Variants in CCDC88A observed in about 807,000 individuals in gnomAD.
CCDC88A encodes girdin.
CCDC88A carries 54 observed loss-of-function variants against 234.3 expected under a neutral mutation model. The observed-to-expected ratio is 0.23, with a 90% confidence interval of 0.19 to 0.29. The LOEUF (loss-of-function observed/expected upper bound fraction) is 0.29. Among genes scored for constraint, CCDC88A ranks in the 10% least tolerant of loss-of-function variants. CCDC88A has a pLI of 1.00. For synonymous variants in CCDC88A, 753 were observed against 737.8 expected, an observed-to-expected ratio of 1.02 and a Z score of -0.33; for missense variants, 1,832 against 2,123.4, an observed-to-expected ratio of 0.86 and a Z score of 2.70.
intron 25 of CCDC88A, among the ~76,000 whole-genome samples, chr2:55,306,664 C>T (rs1417748936): frequency 6.6e-6 from 1 of 152,128 alleles, no homozygotes; most frequent in Non-Finnish European, 1.5e-5. Context: ...TGGCTTACTG[C>T]TATCTTCACC....
At chr2:55,374,546 A>G (rs1381092871) in intron 4 of CCDC88A, among the ~76,000 whole-genome samples, 1 of 152,224 alleles carries the variant, frequency 6.6e-6, no homozygotes, top group African/African-American at 2.4e-5. Context: ...ATACTTCTCT[A>G]TAATGAGACA....
At position 55,336,955 on chromosome 2, in the gene CCDC88A, G is replaced by C. The variant is rs995531813; in HGVS notation, c.1519-137C>G. On this transcript the variant is annotated intron_variant, in intron 13 of 32. Transcript: ENST00000436346. ...TGCTAAAATTTAAGAAATTAGTATA[G>C]AAATTCAAGTAGCATTCCATGCTAA... 20 of 537,780 alleles carry C rather than the reference G, an allele frequency of 3.7e-5. No individual in the cohort carries two copies. The African/African-American group carries it at 4.0e-4, about 11-fold the overall frequency. 33.3% of individuals were successfully genotyped at this position (537,780 alleles called of 1,614,324 possible). A position where few individuals can be genotyped will look rare whatever the true frequency, so the allele number is the denominator to read the frequency against.
At chr2:55,366,589 G>A (rs924578244) in intron 5 of CCDC88A, among the ~76,000 whole-genome samples, 3 of 150,230 alleles carry the variant, frequency 2.0e-5, no homozygotes, top group Non-Finnish European at 4.4e-5. Flanking sequence ...GATATGATGT[G>A]GAAACTTGGA....
At chr2:55,365,954 T>A (rs1384771210) in intron 5 of CCDC88A, among the ~76,000 whole-genome samples, 6 of 152,192 alleles carry the variant, frequency 3.9e-5, no homozygotes, top group Admixed American at 3.9e-4. Flanking sequence ...TAATTGTAAT[T>A]AATTTTAATT....
At chr2:55,360,713 T>G (rs1671177127) in intron 7 of CCDC88A, among the ~76,000 whole-genome samples, 1 of 152,236 alleles carries the variant, frequency 6.6e-6, no homozygotes. Flanking sequence ...ATTAATCAAT[T>G]CACTTAAATG....
rs764546295 is a variant in CCDC88A at position 55,339,459 on chromosome 2, T to G, written c.1518+5A>C. ...CATTAAAATAAACACTACATTTTAA[T>G]TTACCTTTTTACTGAGCCTTTGATT... On this transcript the variant is annotated splice_donor_5th_base_variant and intron_variant, in intron 13 of 32. Coordinates refer to ENST00000436346, the MANE Select transcript of CCDC88A (RefSeq NM_001365480.1). The G allele has an allele frequency of 7.2e-6, 11 of 1,521,174 alleles. No individual in the cohort carries two copies. The South Asian group carries it at 7.3e-5, about 10-fold the overall frequency. 94.2% of individuals were successfully genotyped at this position (1,521,174 alleles called of 1,614,324 possible). A position where few individuals can be genotyped will look rare whatever the true frequency, so the allele number is the denominator to read the frequency against.
At chr2:55,307,072 G>A (rs1681677439) in intron 25 of CCDC88A, among the ~76,000 whole-genome samples, 1 of 152,170 alleles carries the variant, frequency 6.6e-6, no homozygotes, top group African/African-American at 2.4e-5. Flanking sequence ...GTGTGTGTGT[G>A]TGTTCAATTA....
Position 55,336,835 on chromosome 2 carries a change from C to A in CCDC88A, c.1519-17G>T. The stretch of plus-strand genomic sequence containing the variant: ...AATCTCAACCTAGAGAAAATTAAAT[C>A]ACAAAACAATACGTTAAATATTCTG... On this transcript the variant is annotated splice_polypyrimidine_tract_variant and intron_variant, in intron 13 of 32. Coordinates refer to ENST00000436346, the MANE Select transcript of CCDC88A (RefSeq NM_001365480.1). 1.3e-6 allele frequency: 2 copies of A among 1,481,562 alleles called. No individual in the cohort carries two copies. Among genetic ancestry groups the A allele is most frequent in the South Asian group, 1.2e-5 (1 of 82,074 alleles). The allele number at this position is 1,481,562 out of a possible 1,614,324, so 91.8% of individuals were successfully genotyped here.
At position 55,317,134 on chromosome 2, in the gene CCDC88A, C is replaced by CATAT. The variant is rs897466844; in HGVS notation, c.3746+68_3746+71dup. On this transcript the variant is annotated intron_variant, in intron 21 of 32. Transcript: ENST00000436346. This position sits in a 1 kb window ranked among gnomAD's most constrained non-coding sequence, Gnocchi z 4.2. ...GAAATAATACATAATTTTGAAAAAA[C>CATAT]ATATATATACACATATATATGTATA... 6 of 578,070 alleles carry CATAT rather than the reference C, an allele frequency of 1.0e-5. No homozygotes were observed. The highest frequency in any genetic ancestry group is 1.5e-5 in the Non-Finnish European group (6 of 393,164). The allele number at this position is 578,070 out of a possible 1,614,324, so 35.8% of individuals were successfully genotyped here. A position where few individuals can be genotyped will look rare whatever the true frequency, so the allele number is the denominator to read the frequency against.
In CCDC88A at chr2:55,328,341, C is replaced by G. The variant is rs144896196; in HGVS notation, c.2950G>C (p.Glu984Gln). The G allele has an allele frequency of 2.8e-4, 442 of 1,601,558 alleles. 1 individual carries two copies. Among genetic ancestry groups the G allele is most frequent in the Non-Finnish European group, 3.5e-4 (413 of 1,175,180 alleles). Residue 984 changes from glutamate to glutamine, a missense_variant, in exon 17 of 33, where the codon GAA becomes CAA. This residue lies in a region of CCDC88A where 1,282 missense variants were observed against 1,543.6 expected (regional missense o/e 0.83). Coordinates refer to ENST00000436346, the MANE Select transcript of CCDC88A (RefSeq NM_001365480.1). This position sits in a 1 kb window ranked among gnomAD's most constrained non-coding sequence, Gnocchi z 4.3. The stretch of plus-strand genomic sequence containing the variant: ...TGCTGGTTATAATTCGTGGATTCTT[C>G]TAATCGAGCTTCTAAAGCAGCAATT... ...EKIAALEARL[E>Q]ESTNYNQQLR...
chr2:55,362,033 C>A (rs1671386900), intron 7 of CCDC88A: 2 of 254,040 alleles, frequency 7.9e-6, no homozygotes, highest in East Asian at 7.6e-5. Flanking sequence ...TGTATTGTTG[C>A]CAAAGCTGTG....
chr2:55,331,671 ACT>A (rs1396546235), intron 16 of CCDC88A, among the ~76,000 whole-genome samples: 1 of 152,014 alleles, frequency 6.6e-6, no homozygotes, highest in South Asian at 2.1e-4. Context: ...AATCAGATTA[ACT>A]CTGTTTGATA....
At chr2:55,404,874 G>C (rs1354554972) in intron 2 of CCDC88A, 1 of 152,326 alleles carries the variant, frequency 6.6e-6, no homozygotes, top group Non-Finnish European at 1.5e-5. Context: ...TGGGGTTACA[G>C]GCATGTGCCA....
intron 22 of CCDC88A, chr2:55,315,557 T>A (rs1682881589): frequency 6.4e-6 from 1 of 155,134 alleles, no homozygotes; most frequent in Non-Finnish European, 1.4e-5. Context: ...TTTGGACTTT[T>A]ATAAATCATA....
At chr2:55,388,756 G>C in intron 3 of CCDC88A, 22 bp downstream of exon 3, 1 of 930,764 alleles carries the variant, frequency 1.1e-6, no homozygotes, top group Non-Finnish European at 1.7e-6. Context: ...TAAAACCCCA[G>C]ATTTTTAAAA....
Position 55,334,954 on chromosome 2 carries a change from T to C in CCDC88A, c.1867A>G (p.Lys623Glu), listed in dbSNP as rs759544488. 3 of 1,570,382 alleles carry C rather than the reference T, an allele frequency of 1.9e-6. No homozygotes were observed. Among genetic ancestry groups the C allele is most frequent in the South Asian group, 1.2e-5 (1 of 85,630 alleles). The part of the protein sequence containing the change: ...IKKELEHYKE[K>E]GERAEELENE... ...TCAAGTTCTTCAGCTCGTTCTCCTT[T>C]TTCTTTATAATGTTCCAATTCTTTT... Residue 623 changes from lysine to glutamate, a missense_variant, in exon 15 of 33, where the codon AAA becomes GAA. Transcript: ENST00000436346. This position sits in a 1 kb window ranked among gnomAD's most constrained non-coding sequence, Gnocchi z 6.1.
chr2:55,315,111 G>C (rs555591870), intron 22 of CCDC88A: 1 of 152,292 alleles, frequency 6.6e-6, no homozygotes, highest in Admixed American at 6.5e-5. Flanking sequence ...TTTTTGACTG[G>C]TTTACTGGTC....
At chr2:55,293,594 A>G (rs1349167610) in intron 31 of CCDC88A, 2 of 151,888 alleles carry the variant, frequency 1.3e-5, no homozygotes, top group African/African-American at 4.8e-5. Context: ...TCTTTGGTCC[A>G]GTTAATAACC....
At chr2:55,412,010 C>A (rs1235749640) in intron 2 of CCDC88A, among the ~76,000 whole-genome samples, 2 of 151,992 alleles carry the variant, frequency 1.3e-5, no homozygotes, top group Non-Finnish European at 2.9e-5. Context: ...AAACAGAAGA[C>A]AAACTAAAAA....
Sources: gnomAD v4.1 joint callset for allele counts (sites outside exome capture counted in the v4.1 genomes callset) on GRCh38, gnomAD v4.1.1 for gene constraint, gnomAD v4.1.1 regional missense constraint, Gnocchi (gnomAD v3.1) non-coding constraint, MANE v1.5 for transcripts, NCBI Gene and HGNC (gene_info 2026-07-23, HGNC 2026-07-21) for gene names.